Variants in IL12B observed in about 807,000 individuals in gnomAD.
IL12B encodes interleukin-12 subunit beta.
A neutral mutation model predicts 39.2 loss-of-function variants in IL12B; 27 were observed. That is an observed-to-expected ratio of 0.69 (90% CI 0.51 to 0.95). The LOEUF (loss-of-function observed/expected upper bound fraction) is 0.95, where lower values mean the gene tolerates loss of function less well. IL12B is among the 40% of genes least tolerant of loss of function. The pLI is 0.00. For missense variants in IL12B, 351 were observed against 397.6 expected (o/e 0.88, Z 1.00); for synonymous variants, 142 against 152.1 (o/e 0.93, Z 0.49).
intron 1 of IL12B, among the ~76,000 whole-genome samples, chr5:159,327,529 C>G (rs1217525690): frequency 1.3e-5 from 2 of 152,172 alleles, no homozygotes; most frequent in African/African-American, 2.4e-5. Flanking sequence ...CCTAGTGGTT[C>G]TAAAATTTGA....
At position 159,323,160 on chromosome 5, in the gene IL12B, G is replaced by A. The variant is rs1430477145; in HGVS notation, c.258C>T (p.Gly86=). The part of the protein sequence containing the change: ...TIQVKEFGDA[G]QYTCHKGGEV... The stretch of plus-strand genomic sequence containing the variant: ...CGCCTCCTTTGTGACAGGTGTACTG[G>A]CCAGCATCTCCAAACTCTTTGACTT... Residue 86 remains glycine, a synonymous_variant, in exon 3 of 8, where the codon GGC becomes GGT. Transcript: ENST00000231228. 8.7e-6 allele frequency: 14 copies of A among 1,614,010 alleles called. No individual in the cohort carries two copies. Among genetic ancestry groups the A allele is most frequent in the Non-Finnish European group, 1.1e-5 (13 of 1,180,004 alleles).
chr5:159,327,265 A>T (rs2113036552), intron 1 of IL12B, among the ~76,000 whole-genome samples: 1 of 152,348 alleles, frequency 6.6e-6, no homozygotes, highest in East Asian at 1.9e-4. Flanking sequence ...CTTTTACTCA[A>T]TAAATATTTA....
chr5:159,323,418 C>T, intron 2 of IL12B, 89 bp from the exon 3 acceptor site: 2 of 1,203,450 alleles, frequency 1.7e-6, no homozygotes, highest in South Asian at 2.5e-5. Context: ...TCCCCATTGC[C>T]TAAACACAAC....
Position 159,316,675 on chromosome 5 carries a change from G to T in IL12B, c.*10C>A, listed in dbSNP as rs1053434834. On this transcript the variant is annotated intron_variant, in intron 7 of 7. Transcript: ENST00000231228. ...TGCAGGCCTGGGCTGGCCTTTGAGG[G>T]CCTGCTCACCTAACTGCAGGGCACA... The T allele has an allele frequency of 6.2e-7, 1 of 1,610,352 alleles. No homozygotes were observed.
At position 159,326,636 on chromosome 5, in the gene IL12B, G is replaced by T. The variant is rs1182073913; in HGVS notation, c.88+59C>A. 22 of 1,223,490 alleles carry T rather than the reference G, an allele frequency of 1.8e-5. No homozygotes were observed. In the South Asian group the frequency reaches 2.0e-4, roughly 11 times the overall value. The allele number at this position is 1,223,490 out of a possible 1,614,324, so 75.8% of individuals were successfully genotyped here. ...TCAGTTTGATTTCCCACCAGTGGCT[G>T]CCCAAGAGTCCTGGCTTAGAAGTGG... On this transcript the variant is annotated intron_variant, in intron 2 of 7. Coordinates refer to ENST00000231228, the MANE Select transcript of IL12B (RefSeq NM_002187.3).
chr5:159,323,455 T>C, intron 2 of IL12B, 126 bp from the exon 3 acceptor site: 1 of 888,862 alleles, frequency 1.1e-6, no homozygotes, highest in South Asian at 1.4e-5. Context: ...ATTTGGCAAA[T>C]GCTTGCTGAG....
chr5:159,324,476 C>T (rs1299552343), intron 2 of IL12B, among the ~76,000 whole-genome samples: 1 of 152,192 alleles, frequency 6.6e-6, no homozygotes, highest in African/African-American at 2.4e-5. Flanking sequence ...ATCAGAAATG[C>T]AAATTCTCAG....
rs1343066245 is a variant in IL12B, at chr5:159,315,089, C to A, written c.*1012G>T. ...TGTCCTCTCTCTTGAATCTTAAGATCTTTTTGCCTTCCAGACACTTACGGT... is the reference window on the plus strand; with the variant it reads ...TGTCCTCTCTCTTGAATCTTAAGATATTTTTGCCTTCCAGACACTTACGGT... On this transcript the variant is annotated 3_prime_UTR_variant, in exon 8 of 8. Transcript: ENST00000231228. The A allele has an allele frequency of 3.3e-5, 5 of 152,312 alleles. No individual in the cohort carries two copies. Among genetic ancestry groups the A allele is most frequent in the Non-Finnish European group, 7.3e-5 (5 of 68,040 alleles). The allele number at this position is 152,312 out of a possible 1,614,324, so 9.4% of individuals were successfully genotyped here.
At chr5:159,328,709 G>A (rs1344852961) in intron 1 of IL12B, among the ~76,000 whole-genome samples, 1 of 152,146 alleles carries the variant, frequency 6.6e-6, no homozygotes, top group Non-Finnish European at 1.5e-5. Context: ...GCATCTCCTG[G>A]CCACTTACGC....
intron 2 of IL12B, 95 bp downstream of exon 2, chr5:159,326,600 G>A (rs928269104): frequency 1.2e-5 from 10 of 838,080 alleles, no homozygotes; most frequent in Non-Finnish European, 1.9e-5. Flanking sequence ...CCCAGTGCAT[G>A]GTTGCCCATT....
chr5:159,318,717 C>T lies in IL12B; in HGVS notation c.855+19G>A, dbSNP rs1214362082. On this transcript the variant is annotated intron_variant, in intron 6 of 7. Coordinates refer to ENST00000231228, the MANE Select transcript of IL12B (RefSeq NM_002187.3). ...GTAAAACTGACCAAGGAATATACTG[C>T]ACCTGAATCACTTCTTACCTTTTCT... 48 of 1,613,372 alleles carry T rather than the reference C, an allele frequency of 3.0e-5. No individual in the cohort carries two copies. The highest frequency in any genetic ancestry group is 4.0e-5 in the Non-Finnish European group (47 of 1,179,336).
chr5:159,323,975 A>G (rs1473938900), intron 2 of IL12B, among the ~76,000 whole-genome samples: 3 of 151,660 alleles, frequency 2.0e-5, no homozygotes, highest in Non-Finnish European at 4.4e-5. Context: ...AGTTATCGTT[A>G]CTTATAGACT....
Position 159,315,904 on chromosome 5 carries a change from C to T in IL12B, c.*197G>A, listed in dbSNP as rs1424921732. Reference sequence around the variant, plus strand: ...CAACTTGAGAGCTGGAAAATCTATACATAAATTAGCTGATTGTTTCAATGA... The same window carrying T: ...CAACTTGAGAGCTGGAAAATCTATATATAAATTAGCTGATTGTTTCAATGA... On this transcript the variant is annotated 3_prime_UTR_variant, in exon 8 of 8. Coordinates refer to ENST00000231228, the MANE Select transcript of IL12B (RefSeq NM_002187.3). 6.6e-6 allele frequency: 1 copy of T among 152,374 alleles called. No homozygotes were observed. The highest frequency in any genetic ancestry group is 1.5e-5 in the Non-Finnish European group (1 of 68,048). The allele number at this position is 152,374 out of a possible 1,614,324, so 9.4% of individuals were successfully genotyped here. A position where few individuals can be genotyped will look rare whatever the true frequency, so the allele number is the denominator to read the frequency against.
rs1754258149 is a variant in IL12B at position 159,330,476 on chromosome 5, G to A, written c.-45C>T. Reference sequence around the variant, plus strand: ...AGAGTCCAATGGCCCTGAAACAGATGTTGTTTCTTCTGCTGCTGTTGCTGG... The same window carrying A: ...AGAGTCCAATGGCCCTGAAACAGATATTGTTTCTTCTGCTGCTGTTGCTGG... On this transcript the variant is annotated 5_prime_UTR_variant, in exon 1 of 8. Transcript: ENST00000231228. The A allele has an allele frequency of 6.6e-6, 1 of 152,382 alleles. No individual in the cohort carries two copies. Among genetic ancestry groups the A allele is most frequent in the Non-Finnish European group, 1.5e-5 (1 of 68,062 alleles). The allele number at this position is 152,382 out of a possible 1,614,324, so 9.4% of individuals were successfully genotyped here.
chr5:159,329,158 G>A (rs730690), intron 1 of IL12B, among the ~76,000 whole-genome samples: 38,913 of 152,022 alleles, frequency 0.26, 5,421 homozygotes, highest in East Asian at 0.46. Flanking sequence ...TGCCAATGAC[G>A]CTTGGGTGGG....
At chr5:159,327,819 A>G (rs1340106998) in intron 1 of IL12B, among the ~76,000 whole-genome samples, 2 of 152,302 alleles carry the variant, frequency 1.3e-5, no homozygotes, top group South Asian at 2.1e-4. Context: ...TTTATGTTAA[A>G]TAAGCCACCA....
At position 159,320,511 on chromosome 5, in the gene IL12B, G is replaced by A; in HGVS notation, c.492C>T (p.Asp164=). 2 of 1,613,900 alleles carry A rather than the reference G, an allele frequency of 1.2e-6. No individual in the cohort carries two copies. Among genetic ancestry groups the A allele is most frequent in the South Asian group, 2.2e-5 (2 of 91,076 alleles). ...FSVKSSRGSS[D]PQGVTCGAAT... The stretch of plus-strand genomic sequence containing the variant: ...CAGCTCCGCACGTCACCCCTTGGGG[G>A]TCAGAAGAGCTGAAGTCAAAGACAG... Residue 164 remains aspartate (D), a synonymous_variant, in exon 5 of 8, where the codon GAC becomes GAT. Transcript: ENST00000231228.
At position 159,324,095 on chromosome 5, in the gene IL12B, C is replaced by CATTATT. The variant is rs59737069; in HGVS notation, c.89-772_89-767dup. The stretch of plus-strand genomic sequence containing the variant: ...CCAGTGGAGATTTTCATTCTCTCTG[C>CATTATT]ATTATTATTATTATTATTATTATTT... On this transcript the variant is annotated intron_variant, in intron 2 of 7. Coordinates refer to ENST00000231228, the MANE Select transcript of IL12B (RefSeq NM_002187.3). Among the ~76,000 whole-genome samples, 974 of 150,448 alleles carry CATTATT rather than the reference C, an allele frequency of 6.5e-3. 6 individuals are homozygous for CATTATT. The highest frequency in any genetic ancestry group is 0.02 in the African/African-American group (833 of 40,778).
rs1753968289 is a variant in IL12B, at chr5:159,315,199, A to AC, written c.*901_*902insG. 1 of 147,394 alleles carries AC rather than the reference A, an allele frequency of 6.8e-6. No individual in the cohort carries two copies. Among genetic ancestry groups the AC allele is most frequent in the African/African-American group, 2.5e-5 (1 of 40,436 alleles). 9.1% of individuals were successfully genotyped at this position (147,394 alleles called of 1,614,324 possible). The stretch of plus-strand genomic sequence containing the variant: ...CTAAAGCTGAATTTTAATTTCAATC[A>AC]TTTTTTTTTTTGAGACAGGGTCTCA... On this transcript the variant is annotated 3_prime_UTR_variant, in exon 8 of 8. Coordinates refer to ENST00000231228, the MANE Select transcript of IL12B (RefSeq NM_002187.3).
Sources: gnomAD v4.1 joint callset for allele counts (sites outside exome capture counted in the v4.1 genomes callset) on GRCh38, gnomAD v4.1.1 for gene constraint, MANE v1.5 for transcripts, NCBI Gene and HGNC (gene_info 2026-07-23, HGNC 2026-07-21) for gene names.